The following FER variants were observed in gnomAD, a reference collection of about 807,000 sequenced individuals.
FER encodes the protein FER tyrosine kinase, also known as tyrosine-protein kinase Fer.
In FER, 63 loss-of-function variants were observed where a neutral mutation model predicts 111.0. The ratio of observed to expected loss-of-function variants is 0.57; its 90% CI spans 0.46 to 0.70. The LOEUF (loss-of-function observed/expected upper bound fraction) is 0.70. Among genes scored for constraint, FER ranks in the 30% least tolerant of loss-of-function variants. The pLI, the probability that FER is intolerant of heterozygous loss-of-function variation, is 0.00. For missense variants in FER, 914 were observed against 954.0 expected, an observed-to-expected ratio of 0.96 and a Z score of 0.55; for synonymous variants, 327 against 313.9, an observed-to-expected ratio of 1.04 and a Z score of -0.44.
At chr5:108,939,077 A>G (rs1047293746) in intron 10 of FER, among the ~76,000 whole-genome samples, 1 of 152,064 alleles carries the variant, frequency 6.6e-6, no homozygotes, top group Non-Finnish European at 1.5e-5. Context: ...TATGACATCT[A>G]TTAATGGCCA....
Position 109,190,291 on chromosome 5 carries a change from A to G in FER, c.*2716A>G, listed in dbSNP as rs1228020659. 3 of 152,160 alleles carry G rather than the reference A, an allele frequency of 2.0e-5. No homozygotes were observed. Among genetic ancestry groups the G allele is most frequent in the African/African-American group, 7.2e-5 (3 of 41,458 alleles). The allele number at this position is 152,160 out of a possible 1,614,324, so 9.4% of individuals were successfully genotyped here. A position where few individuals can be genotyped will look rare whatever the true frequency, so the allele number is the denominator to read the frequency against. ...TTTGTTTAGTAAGAAAAGAGTTGTA[A>G]CCAAAATTTCTTCTGGTCCGGATGT... On this transcript the variant is annotated 3_prime_UTR_variant, in exon 20 of 20. Transcript: ENST00000281092.
chr5:108,954,647 C>G (rs957353641), intron 11 of FER, 82 bp from the exon 12 acceptor site: 11 of 1,037,336 alleles, frequency 1.1e-5, no homozygotes, highest in African/African-American at 9.7e-5. Flanking sequence ...TTGTAAGAAG[C>G]CTTTATAGTT....
At chr5:108,757,766 A>G (rs890402142) in intron 1 of FER, among the ~76,000 whole-genome samples, 2 of 152,204 alleles carry the variant, frequency 1.3e-5, no homozygotes, top group African/African-American at 4.8e-5. Context: ...AGTTCTGACA[A>G]ATATCTTAAA....
intron 13 of FER, among the ~76,000 whole-genome samples, chr5:109,006,210 A>T (rs1422204994): frequency 6.6e-6 from 1 of 152,196 alleles, no homozygotes; most frequent in East Asian, 1.9e-4. Flanking sequence ...TAGTGAAATG[A>T]AGAAAGCTGT....
rs190706278 is a variant in FER, at chr5:108,850,571, A to T, written c.481+14764A>T. ...TATAAAACTTGAAGGAAAATGTGTT[A>T]TCTCTTTTTTTAAGTTGGAATACTA... On this transcript the variant is annotated intron_variant, in intron 5 of 19. Coordinates refer to ENST00000281092, the MANE Select transcript of FER (RefSeq NM_005246.4). 5.9e-3 allele frequency among the ~76,000 whole-genome samples: 897 copies of T among 152,234 alleles called. 7 individuals carry two copies. The highest frequency in any genetic ancestry group is 0.011 in the Admixed American group (165 of 15,290).
rs1192377367 is a variant in FER at position 108,859,937 on chromosome 5, A to ATTG, written c.482-7828_482-7827insGTT. ...GTATATACCTATTATTATTATTATT[A>ATTG]TTATTATTATTATTATTATTTTGAG... On this transcript the variant is annotated intron_variant, in intron 5 of 19. Transcript: ENST00000281092. Among the ~76,000 whole-genome samples, 3 of 147,842 alleles carry ATTG rather than the reference A, an allele frequency of 2.0e-5. No individual in the cohort carries two copies. The Admixed American group carries it at 2.0e-4, about 10-fold the overall frequency.
intron 8 of FER, among the ~76,000 whole-genome samples, chr5:108,876,142 A>G (rs549284581): frequency 6.6e-6 from 1 of 152,252 alleles, no homozygotes; most frequent in Non-Finnish European, 1.5e-5. Flanking sequence ...CCATGAGGCA[A>G]ATCCAGCTAG....
intron 17 of FER, among the ~76,000 whole-genome samples, chr5:109,179,609 T>G (rs932862132): frequency 1.3e-5 from 2 of 152,298 alleles, no homozygotes; most frequent in African/African-American, 4.8e-5. Flanking sequence ...GATTCAACCA[T>G]CCAGAGATTT....
chr5:108,882,707 T>A (rs1251670768), intron 8 of FER, among the ~76,000 whole-genome samples: 1 of 151,930 alleles, frequency 6.6e-6, no homozygotes, highest in Admixed American at 6.6e-5. Context: ...TTGGGTTTCA[T>A]GTCTTGCTTT....
At chr5:109,083,810 C>A (rs1214350517) in intron 16 of FER, among the ~76,000 whole-genome samples, 1 of 151,940 alleles carries the variant, frequency 6.6e-6, no homozygotes, top group Non-Finnish European at 1.5e-5. Context: ...TGGCAGGCAT[C>A]CCAGACTCAA....
At chr5:108,998,612 T>C (rs967066029) in intron 13 of FER, among the ~76,000 whole-genome samples, 1 of 152,228 alleles carries the variant, frequency 6.6e-6, no homozygotes, top group Non-Finnish European at 1.5e-5. Context: ...ATGGCTCTTA[T>C]TAATTTGAGG....
At chr5:108,798,483 A>C (rs935747852) in intron 3 of FER, 94 bp downstream of exon 3, 19 of 907,288 alleles carry the variant, frequency 2.1e-5, no homozygotes, top group Non-Finnish European at 3.1e-5. Context: ...TACTTAAGTC[A>C]GCATTCTAAA....
chr5:109,069,122 T>G (rs1775473814), intron 16 of FER, among the ~76,000 whole-genome samples: 1 of 133,658 alleles, frequency 7.5e-6, no homozygotes. Context: ...TTCTTGATAT[T>G]TGCAAATATT....
chr5:108,915,208 C>T (rs1463014644), intron 10 of FER, among the ~76,000 whole-genome samples: 5 of 152,210 alleles, frequency 3.3e-5, no homozygotes, highest in African/African-American at 7.2e-5. Flanking sequence ...CCCAGTGGCT[C>T]ATGCCTGTAA....
At chr5:109,151,807 CAAGTT>C (rs1466560562) in intron 17 of FER, among the ~76,000 whole-genome samples, 3 of 152,078 alleles carry the variant, frequency 2.0e-5, no homozygotes, top group African/African-American at 7.2e-5. Flanking sequence ...AGTTTACAGA[CAAGTT>C]ATGTGACAAA....
chr5:108,923,670 G>A (rs911484996), intron 10 of FER, among the ~76,000 whole-genome samples: 13 of 152,038 alleles, frequency 8.6e-5, no homozygotes, highest in Non-Finnish European at 1.6e-4. Flanking sequence ...CTTACTTTCC[G>A]ATTAAACATT....
intron 13 of FER, among the ~76,000 whole-genome samples, chr5:108,969,803 T>TATTTATCTG (rs761774231): frequency 6.8e-6 from 1 of 148,146 alleles, no homozygotes; most frequent in Non-Finnish European, 1.5e-5. Flanking sequence ...AGCATTATGG[T>TATTTATCTG]ATTTATCTGA....
intron 13 of FER, among the ~76,000 whole-genome samples, chr5:108,971,180 A>G (rs1302437895): frequency 6.7e-6 from 1 of 149,042 alleles, no homozygotes; most frequent in Non-Finnish European, 1.5e-5. Flanking sequence ...ATGTTAAAAT[A>G]GGAGTAGAAA....
rs542039336 is a variant in FER, at chr5:109,193,950, G to A, written c.*6375G>A. On this transcript the variant is annotated 3_prime_UTR_variant, in exon 20 of 20. Coordinates refer to ENST00000281092, the MANE Select transcript of FER (RefSeq NM_005246.4). ...AAGACCTGGTTGGAGTCCTAGATGT[G>A]GAGACAGGATGATCAGGTCACACTT... is the stretch of plus-strand genomic sequence containing the variant. 5 of 152,282 alleles carry A rather than the reference G, an allele frequency of 3.3e-5. No homozygotes were observed. In the South Asian group the frequency reaches 1.0e-3, roughly 32 times the overall value. The allele number at this position is 152,282 out of a possible 1,614,324, so 9.4% of individuals were successfully genotyped here. A position where few individuals can be genotyped will look rare whatever the true frequency, so the allele number is the denominator to read the frequency against.
Sources: allele counts gnomAD v4.1 joint callset (sites outside exome capture counted in the v4.1 genomes callset), GRCh38; gene constraint gnomAD v4.1.1; transcripts MANE v1.5; gene names NCBI Gene and HGNC (gene_info 2026-07-23, HGNC 2026-07-21).